KAT6B: variants seen among roughly 807,000 people sequenced by gnomAD.
The protein encoded by KAT6B is histone acetyltransferase KAT6B.
Under a neutral mutation model 187.5 loss-of-function variants are expected in KAT6B, and 10 were observed. The observed-to-expected ratio is 0.05, with a 90% CI of 0.03 to 0.09. The LOEUF (loss-of-function observed/expected upper bound fraction) is 0.09, where lower values mean the gene tolerates loss of function less well. Ranked by LOEUF, KAT6B falls within the 10% of genes least tolerant of loss-of-function variation. The probability of loss-of-function intolerance (pLI) is 1.00; values close to 1 mark genes in which losing one functional copy is unlikely to be tolerated. For missense variants in KAT6B, 1,952 were observed against 2,558.9 expected (o/e 0.76, Z 5.12); for synonymous variants, 861 against 926.8 (o/e 0.93, Z 1.29).
In KAT6B at chr10:74,893,427, C is replaced by A. The variant is rs183740821; in HGVS notation, c.621+49949C>A. 2.4e-3 allele frequency among the ~76,000 whole-genome samples: 352 copies of A among 149,298 alleles called. 1 individual carries two copies. Among genetic ancestry groups the A allele is most frequent in the Middle Eastern group, 7.0e-3 (2 of 284 alleles). On this transcript the variant is annotated intron_variant, in intron 3 of 17. Transcript: ENST00000287239. Reference sequence around the variant, plus strand: ...TTGGCTTTATTTAAGATAATATTTTCTTTTTAAAACACTGTCTAGAAATCA... The same window carrying A: ...TTGGCTTTATTTAAGATAATATTTTATTTTTAAAACACTGTCTAGAAATCA...
chr10:74,959,159 G>T (rs528268616), intron 3 of KAT6B, among the ~76,000 whole-genome samples: 2 of 152,210 alleles, frequency 1.3e-5, no homozygotes, highest in Admixed American at 6.5e-5. Flanking sequence ...CAAAAGCCTT[G>T]TTAATAATGA....
Position 75,021,116 on chromosome 10 carries a change from C to T in KAT6B, c.2862-10C>T, listed in dbSNP as rs1042546522. 7 of 1,613,262 alleles carry T rather than the reference C, an allele frequency of 4.3e-6. No homozygotes were observed. The highest frequency in any genetic ancestry group is 5.9e-6 in the Non-Finnish European group (7 of 1,179,222). The stretch of plus-strand genomic sequence containing the variant: ...GTGATTACATCTTGTTCTGCCTTAT[C>T]ACATTACAGATTTGTCATCATTAGA... On this transcript the variant is annotated splice_polypyrimidine_tract_variant and intron_variant, in intron 14 of 17. Transcript: ENST00000287239.
chr10:74,831,774 C>T (rs1840882323), intron 1 of KAT6B, among the ~76,000 whole-genome samples: 1 of 152,182 alleles, frequency 6.6e-6, no homozygotes. Context: ...TCAGTGATTC[C>T]TCTTAACGGT....
chr10:74,908,704 A>C (rs7899137), intron 3 of KAT6B, among the ~76,000 whole-genome samples: 61,346 of 152,096 alleles, frequency 0.4, 15,954 homozygotes, highest in Non-Finnish European at 0.58. Context: ...GGGTCAACCT[A>C]GTATATTCCC....
intron 3 of KAT6B, among the ~76,000 whole-genome samples, chr10:74,914,636 C>A (rs12265411): frequency 3.9e-5 from 6 of 152,248 alleles, no homozygotes; most frequent in African/African-American, 1.4e-4. Flanking sequence ...AATGAGCCAT[C>A]GTTTTTTGAA....
At chr10:74,848,378 G>T (rs978856274) in intron 3 of KAT6B, among the ~76,000 whole-genome samples, 1 of 151,980 alleles carries the variant, frequency 6.6e-6, no homozygotes, top group Non-Finnish European at 1.5e-5. Flanking sequence ...GGTGGCACAC[G>T]CCTATAATCC....
intron 13 of KAT6B, among the ~76,000 whole-genome samples, chr10:75,000,721 A>G (rs557511908): frequency 2.0e-4 from 30 of 152,254 alleles, no homozygotes; most frequent in Admixed American, 7.8e-4. Context: ...CAGCAGTTTC[A>G]ATTTTTGGCT....
rs1035358028 is a variant in KAT6B at position 75,031,634 on chromosome 10, G to A, written c.*588G>A. Reference sequence around the variant, plus strand: ...GGGTTTTAAAAAAAACTATATTTTTGTTAATTATAAAACTGTAAAGAGCTA... The same window carrying A: ...GGGTTTTAAAAAAAACTATATTTTTATTAATTATAAAACTGTAAAGAGCTA... On this transcript the variant is annotated 3_prime_UTR_variant, in exon 18 of 18. Coordinates refer to ENST00000287239, the MANE Select transcript of KAT6B (RefSeq NM_012330.4). 8 of 211,758 alleles carry A rather than the reference G, an allele frequency of 3.8e-5. No individual in the cohort carries two copies. Among genetic ancestry groups the A allele is most frequent in the Non-Finnish European group, 6.7e-5 (7 of 104,816 alleles). The allele number at this position is 211,758 out of a possible 1,614,324, so 13.1% of individuals were successfully genotyped here. A position where few individuals can be genotyped will look rare whatever the true frequency, so the allele number is the denominator to read the frequency against.
intron 3 of KAT6B, among the ~76,000 whole-genome samples, chr10:74,912,212 A>C (rs1847261978): frequency 6.6e-6 from 1 of 152,096 alleles, no homozygotes; most frequent in Non-Finnish European, 1.5e-5. Flanking sequence ...GCTTCCTCCT[A>C]AACATTTCTT....
chr10:74,865,573 T>C (rs1589504088), intron 3 of KAT6B, among the ~76,000 whole-genome samples: 1 of 152,048 alleles, frequency 6.6e-6, no homozygotes, highest in African/African-American at 2.4e-5. Context: ...TGGAGTGCAG[T>C]GGCACAATCT....
At chr10:74,946,338 G>T (rs963662083) in intron 3 of KAT6B, among the ~76,000 whole-genome samples, 3 of 151,908 alleles carry the variant, frequency 2.0e-5, no homozygotes, top group Admixed American at 1.3e-4. Context: ...TCTAGTTAGG[G>T]GTTTCTAATG....
intron 13 of KAT6B, among the ~76,000 whole-genome samples, chr10:75,000,178 T>C (rs1013967882): frequency 2.6e-5 from 4 of 151,872 alleles, no homozygotes; most frequent in African/African-American, 9.7e-5. Flanking sequence ...TCTTTTTTTT[T>C]TTTTCTTTTT....
intron 3 of KAT6B, among the ~76,000 whole-genome samples, chr10:74,945,271 G>A (rs1589679109): frequency 1.3e-5 from 2 of 152,306 alleles, no homozygotes; most frequent in Admixed American, 6.5e-5. Flanking sequence ...TCATAAAAGA[G>A]TACGGATTGT....
chr10:74,839,149 G>C (rs139094402), intron 2 of KAT6B, among the ~76,000 whole-genome samples: 1,562 of 148,810 alleles, frequency 0.01, 15 homozygotes, highest in Admixed American at 0.019. Flanking sequence ...GCAAGACTCT[G>C]TGCCCCCCAA....
At chr10:74,871,345 G>T (rs147269733) in intron 3 of KAT6B, among the ~76,000 whole-genome samples, 1,520 of 151,068 alleles carry the variant, frequency 0.01, 37 homozygotes, top group African/African-American at 0.034. Flanking sequence ...GGCACACACC[G>T]TCATACCCGG....
chr10:74,988,874 TA>T, intron 12 of KAT6B, 144 bp from the exon 13 acceptor site: 1 of 737,510 alleles, frequency 1.4e-6, no homozygotes, highest in South Asian at 1.4e-5. Context: ...TTTGATTGAT[TA>T]ATATAGTAGG....
intron 13 of KAT6B, among the ~76,000 whole-genome samples, chr10:75,004,807 TCCTC>T (rs1246256018): frequency 6.6e-6 from 1 of 151,814 alleles, no homozygotes; most frequent in Non-Finnish European, 1.5e-5. Context: ...GCTAAAGTGA[TCCTC>T]CCATGTCAGC....
chr10:74,867,341 C>T (rs1843625778), intron 3 of KAT6B, among the ~76,000 whole-genome samples: 1 of 152,022 alleles, frequency 6.6e-6, no homozygotes, highest in Non-Finnish European at 1.5e-5. Context: ...TTTCTTGCTA[C>T]ATTGTTCCTG....
At chr10:75,026,574 C>G (rs996814131) in intron 17 of KAT6B, among the ~76,000 whole-genome samples, 1 of 151,494 alleles carries the variant, frequency 6.6e-6, no homozygotes, top group African/African-American at 2.4e-5. Flanking sequence ...CAGTATTTTG[C>G]TGAAGGAATG....
Sources: allele counts gnomAD v4.1 joint callset (sites outside exome capture counted in the v4.1 genomes callset), GRCh38; gene constraint gnomAD v4.1.1; transcripts MANE v1.5; gene names NCBI Gene and HGNC (gene_info 2026-07-23, HGNC 2026-07-21).